NPNT: variants seen among roughly 807,000 people sequenced by gnomAD.
NPNT encodes nephronectin, also known as preosteoblast EGF-like repeat protein with MAM domain.
Under a neutral mutation model 68.6 loss-of-function variants are expected in NPNT, and 45 were observed. That is an observed-to-expected ratio of 0.66 (90% CI 0.52 to 0.84). The LOEUF is 0.84. Among genes scored for constraint, NPNT ranks in the 40% least tolerant of loss-of-function variants. The pLI is 0.00. For missense variants in NPNT, 672 were observed against 714.8 expected (o/e 0.94, Z 0.68); for synonymous variants, 233 against 253.3 (o/e 0.92, Z 0.76).
In NPNT at chr4:105,970,685, A is replaced by C; in HGVS notation, c.*1695A>C. The C allele has an allele frequency of 2.0e-6, 1 of 503,890 alleles. No individual in the cohort carries two copies. Among genetic ancestry groups the C allele is most frequent in the Non-Finnish European group, 3.7e-6 (1 of 272,844 alleles). 31.2% of individuals were successfully genotyped at this position (503,890 alleles called of 1,614,324 possible). A position where few individuals can be genotyped will look rare whatever the true frequency, so the allele number is the denominator to read the frequency against. ...CTCAGTATCTCTCTCTCTTTCTAAAAAATTAGATAAAAATTTGTCTATTTA... is the reference window on the plus strand; with the variant it reads ...CTCAGTATCTCTCTCTCTTTCTAAACAATTAGATAAAAATTTGTCTATTTA... On this transcript the variant is annotated 3_prime_UTR_variant, in exon 12 of 12. Coordinates refer to ENST00000379987, the MANE Select transcript of NPNT (RefSeq NM_001033047.3).
intron 10 of NPNT, among the ~76,000 whole-genome samples, 165 bp from the exon 11 acceptor site, chr4:105,967,023 A>G (rs929745253): frequency 6.6e-6 from 1 of 152,162 alleles, no homozygotes; most frequent in Non-Finnish European, 1.5e-5. Flanking sequence ...CACATACCAT[A>G]GAACTTAAGA....
intron 10 of NPNT, among the ~76,000 whole-genome samples, chr4:105,961,776 C>A (rs1028176167): frequency 6.6e-6 from 1 of 152,152 alleles, no homozygotes; most frequent in African/African-American, 2.4e-5. Context: ...TGGCTACGGT[C>A]CCTGGAGGAT....
chr4:105,925,064 A>T (rs1454614575), intron 2 of NPNT, among the ~76,000 whole-genome samples: 1 of 152,014 alleles, frequency 6.6e-6, no homozygotes, highest in African/African-American at 2.4e-5. Flanking sequence ...TTTCTTGGTG[A>T]TAGGGCCTAG....
At chr4:105,916,654 T>C (rs1727843041) in intron 2 of NPNT, among the ~76,000 whole-genome samples, 1 of 152,212 alleles carries the variant, frequency 6.6e-6, no homozygotes, top group African/African-American at 2.4e-5. Flanking sequence ...AAGTCTTCTG[T>C]ACTTCCTCTA....
intron 1 of NPNT, among the ~76,000 whole-genome samples, chr4:105,896,600 C>T (rs1725873525): frequency 2.6e-5 from 4 of 152,208 alleles, no homozygotes; most frequent in African/African-American, 4.8e-5. Context: ...CGCCCGGTCG[C>T]CTTCCTTCAG....
At position 105,967,455 on chromosome 4, in the gene NPNT, C is replaced by T; in HGVS notation, c.1602+11C>T. On this transcript the variant is annotated intron_variant, in intron 11 of 11. Transcript: ENST00000379987. ...GCTGACATCAAGAGCGTAAGTAGAT[C>T]CACAAAGGAGGCAGGACCTGGGACG... The T allele has an allele frequency of 1.3e-6, 2 of 1,543,650 alleles. No homozygotes were observed. The highest frequency in any genetic ancestry group is 1.7e-6 in the Non-Finnish European group (2 of 1,148,798).
chr4:105,937,076 C>T lies in NPNT; in HGVS notation c.333C>T (p.Tyr111=). 2 of 1,613,628 alleles carry T rather than the reference C, an allele frequency of 1.2e-6. No individual in the cohort carries two copies. Among genetic ancestry groups the T allele is most frequent in the Non-Finnish European group, 1.7e-6 (2 of 1,179,614 alleles). ...KHRCMNTYGS[Y]KCYCLNGYML... is the part of the protein sequence containing the mutation. ...GGTGCATGAACACTTACGGCAGCTA[C>T]AAGTGCTACTGTCTCAACGGATATA... The change falls in exon 4 of 12, where the codon TAC becomes TAT. Residue 111 remains tyrosine (Y), a synonymous_variant. Transcript: ENST00000379987.
chr4:105,960,638 C>A (rs531824741), intron 10 of NPNT, among the ~76,000 whole-genome samples: 1 of 152,274 alleles, frequency 6.6e-6, no homozygotes, highest in South Asian at 2.1e-4. Flanking sequence ...TTTAGTGCCT[C>A]ACACACAGTA....
At chr4:105,898,332 C>G (rs868518383) in intron 2 of NPNT, among the ~76,000 whole-genome samples, 65 of 82,216 alleles carry the variant, frequency 7.9e-4, no homozygotes, top group African/African-American at 1.3e-3. Context: ...CTCTCTGTCT[C>G]TCTCTCTCTC....
intron 10 of NPNT, among the ~76,000 whole-genome samples, chr4:105,963,961 G>A (rs1376229370): frequency 1.3e-5 from 2 of 151,912 alleles, no homozygotes; most frequent in Non-Finnish European, 2.9e-5. Context: ...ATTCTCTTCT[G>A]TGCCTTGCCT....
rs565222446 is a variant in NPNT at position 105,936,615 on chromosome 4, G to T, written c.266-394G>T. On this transcript the variant is annotated intron_variant, in intron 3 of 11. Coordinates refer to ENST00000379987, the MANE Select transcript of NPNT (RefSeq NM_001033047.3). ...AGAAAGGAAGACATTGAACGAATAG[G>T]GTTACATTGTCAGGATTGGATCTAG... Among the ~76,000 whole-genome samples the T allele has an allele frequency of 1.2e-4, 18 of 152,282 alleles. No homozygotes were observed. In the South Asian group the frequency reaches 3.3e-3, roughly 28 times the overall value.
rs1429141213 is a variant in NPNT at position 105,971,159 on chromosome 4, T to C, written c.*2169T>C. On this transcript the variant is annotated 3_prime_UTR_variant, in exon 12 of 12. Transcript: ENST00000379987. ...TTCAGAGAGATTTTCATCGGGTGCA[T>C]TCTCTCTGCTTCGTGTGTGACAAGT... 1 of 455,946 alleles carries C rather than the reference T, an allele frequency of 2.2e-6. No individual in the cohort carries two copies. Among genetic ancestry groups the C allele is most frequent in the African/African-American group, 2.0e-5 (1 of 50,036 alleles). The allele number at this position is 455,946 out of a possible 1,614,324, so 28.2% of individuals were successfully genotyped here. A position where few individuals can be genotyped will look rare whatever the true frequency, so the allele number is the denominator to read the frequency against.
At chr4:105,947,732 A>G (rs1248955202) in intron 8 of NPNT, among the ~76,000 whole-genome samples, 1 of 152,006 alleles carries the variant, frequency 6.6e-6, no homozygotes, top group Non-Finnish European at 1.5e-5. Context: ...TTTTCAACCC[A>G]CTTAGCAATC....
At chr4:105,968,294 G>T (rs896584363) in intron 11 of NPNT, among the ~76,000 whole-genome samples, 1 of 152,104 alleles carries the variant, frequency 6.6e-6, no homozygotes. Context: ...ATTGTTTAGA[G>T]AAATAAAACA....
chr4:105,906,890 G>A (rs1012725278), intron 2 of NPNT, among the ~76,000 whole-genome samples: 1 of 152,148 alleles, frequency 6.6e-6, no homozygotes, highest in Non-Finnish European at 1.5e-5. Flanking sequence ...TTCCATGCCA[G>A]TTATGGCTTG....
At chr4:105,912,147 A>G in intron 2 of NPNT, 1 of 1,440,706 alleles carries the variant, frequency 6.9e-7, no homozygotes, top group Non-Finnish European at 9.4e-7. Context: ...CCTTACAGAG[A>G]AAAGATCTGG....
chr4:105,946,259 TA>T (rs1730376248), intron 8 of NPNT, among the ~76,000 whole-genome samples: 1 of 152,218 alleles, frequency 6.6e-6, no homozygotes, highest in Non-Finnish European at 1.5e-5. Flanking sequence ...ATTTAAACTT[TA>T]AGCAGTTGGT....
chr4:105,940,535 G>T lies in NPNT; in HGVS notation c.662G>T (p.Gly221Val). The change falls in exon 7 of 12, where the codon GGT becomes GTT. Residue 221 changes from glycine (G) to valine (V), a missense_variant. Coordinates refer to ENST00000379987, the MANE Select transcript of NPNT (RefSeq NM_001033047.3). The stretch of plus-strand genomic sequence containing the variant: ...GCAGACATAGACGAATGCTCACTTG[G>T]TCAGTATCAGTGCAGCAGCTTTGCT... ...QCHDIDECSL[G>V]QYQCSSFARC... 2 of 1,613,042 alleles carry T rather than the reference G, an allele frequency of 1.2e-6. No individual in the cohort carries two copies. The highest frequency in any genetic ancestry group is 1.7e-4 in the Middle Eastern group (1 of 6,054).
At chr4:105,895,945 G>T (rs1428268575) in intron 1 of NPNT, 1 of 548,920 alleles carries the variant, frequency 1.8e-6, no homozygotes, top group East Asian at 3.2e-5. Flanking sequence ...CCCCATCCGC[G>T]GCCCCCCGAG....
Sources: gnomAD v4.1 joint callset for allele counts (sites outside exome capture counted in the v4.1 genomes callset) on GRCh38, gnomAD v4.1.1 for gene constraint, MANE v1.5 for transcripts, NCBI Gene and HGNC (gene_info 2026-07-23, HGNC 2026-07-21) for gene names.